The following CCDC112 variants were observed in gnomAD, a reference collection of about 807,000 sequenced individuals.
The protein encoded by CCDC112 is coiled-coil domain containing 112.
A neutral mutation model predicts 66.3 loss-of-function variants in CCDC112; 40 were observed. The observed-to-expected ratio is 0.60, with a 90% CI of 0.47 to 0.79. The LOEUF (loss-of-function observed/expected upper bound fraction) is 0.79. CCDC112 is among the 30% of genes least tolerant of loss of function. The probability of loss-of-function intolerance (pLI) is 0.00; values close to 1 mark genes in which losing one functional copy is unlikely to be tolerated. For missense variants in CCDC112, 659 were observed against 603.8 expected (o/e 1.09, Z -0.96); for synonymous variants, 214 against 197.2 (o/e 1.09, Z -0.71).
In CCDC112 at chr5:115,267,699, AG is replaced by A; in HGVS notation, c.*176del. On this transcript the variant is annotated 3_prime_UTR_variant, in exon 10 of 10. Transcript: ENST00000379611. ...CACATATATTAAATACCTTCTTGGTAGAAGCAGGAATACTAATGACAAAGCC... is the reference window on the plus strand; with the variant it reads ...CACATATATTAAATACCTTCTTGGTAAAGCAGGAATACTAATGACAAAGCC... 1.6e-6 allele frequency: 1 copy of A among 625,558 alleles called. No individual in the cohort carries two copies. The highest frequency in any genetic ancestry group is 2.9e-6 in the Non-Finnish European group (1 of 349,544). The allele number at this position is 625,558 out of a possible 1,614,324, so 38.8% of individuals were successfully genotyped here.
At chr5:115,277,114 G>C in intron 3 of CCDC112, 60 bp from the exon 4 acceptor site, 2 of 956,688 alleles carry the variant, frequency 2.1e-6, no homozygotes, top group Non-Finnish European at 1.7e-6. Context: ...TACAATTCAG[G>C]AATCTACATG....
chr5:115,289,747 G>A (rs776070309), intron 1 of CCDC112, among the ~76,000 whole-genome samples: 3 of 151,974 alleles, frequency 2.0e-5, no homozygotes, highest in East Asian at 1.9e-4. Flanking sequence ...GCTTAATCCC[G>A]GCTCACTGCA....
chr5:115,269,051 A>G (rs1748893595), intron 8 of CCDC112, 51 bp from the exon 9 acceptor site: 7 of 1,061,550 alleles, frequency 6.6e-6, no homozygotes, highest in Non-Finnish European at 9.7e-6. Flanking sequence ...CTCAGTTTGT[A>G]CTAGTAAATA....
rs1748887624 is a variant in CCDC112, at chr5:115,268,944, C to G, written c.1485G>C (p.Trp495Cys). 6.2e-7 allele frequency: 1 copy of G among 1,606,896 alleles called. No homozygotes were observed. The highest frequency in any genetic ancestry group is 1.3e-5 in the African/African-American group (1 of 74,356). Residue 495 changes from tryptophan (W) to cysteine (C), a missense_variant, in exon 9 of 10, where the codon TGG becomes TGC. By Grantham distance (215) the Trp-to-Cys change is radical (BLOSUM62 -2). Coordinates refer to ENST00000379611, the MANE Select transcript of CCDC112 (RefSeq NM_001040440.3). The part of the protein sequence containing the change: ...PSRLYKPTKG[W>C]EERTKKIGPT... ...GTCCTATCTTTTTGGTTCGTTCTTCCCAACCTTTGGTGGGTTTGTAAAGCC... is the reference window on the plus strand; with the variant it reads ...GTCCTATCTTTTTGGTTCGTTCTTCGCAACCTTTGGTGGGTTTGTAAAGCC...
intron 6 of CCDC112, among the ~76,000 whole-genome samples, chr5:115,272,457 T>G (rs1393926983): frequency 6.6e-6 from 1 of 152,224 alleles, no homozygotes; most frequent in African/African-American, 2.4e-5. Flanking sequence ...GCCACTAAAC[T>G]TCTCTGTCCT....
chr5:115,271,291 T>C lies in CCDC112; in HGVS notation c.1254A>G (p.Glu418=). Residue 418 remains glutamate, a synonymous_variant, in exon 7 of 10, where the codon GAA becomes GAG. Transcript: ENST00000379611. ...KKEQEEFLRL[E]KEIREKAEKA... is the part of the protein sequence containing the mutation. ...TTTCTGCCTTTTCCCTTATCTCCTT[T>C]TCAAGCCTCAAAAATTCTTCCTGTT... is the stretch of plus-strand genomic sequence containing the variant. 1 of 1,610,278 alleles carries C rather than the reference T, an allele frequency of 6.2e-7. No homozygotes were observed. The highest frequency in any genetic ancestry group is 8.5e-7 in the Non-Finnish European group (1 of 1,179,252).
chr5:115,269,543 T>C, intron 8 of CCDC112, 160 bp downstream of exon 8: 1 of 547,122 alleles, frequency 1.8e-6, no homozygotes, highest in Non-Finnish European at 3.1e-6. Context: ...GTTGCTTAAA[T>C]TGTACCAAGT....
chr5:115,281,953 A>G (rs1482627508), intron 2 of CCDC112, among the ~76,000 whole-genome samples: 3 of 152,200 alleles, frequency 2.0e-5, no homozygotes, highest in Admixed American at 2.0e-4. Flanking sequence ...TATTTATCAC[A>G]TTTGTAAATT....
chr5:115,283,853 T>C (rs1223384068), intron 2 of CCDC112, among the ~76,000 whole-genome samples: 1 of 152,110 alleles, frequency 6.6e-6, no homozygotes, highest in Non-Finnish European at 1.5e-5. Flanking sequence ...AACGTTTTGA[T>C]AAAGCTCTCA....
intron 1 of CCDC112, among the ~76,000 whole-genome samples, chr5:115,295,756 CA>C (rs1391853706): frequency 6.6e-6 from 1 of 152,062 alleles, no homozygotes; most frequent in Admixed American, 6.5e-5. Context: ...GAAACATAAA[CA>C]ATAGAAATAA....
At chr5:115,271,648 A>T in intron 6 of CCDC112, 22 bp from the exon 7 acceptor site, 1 of 1,455,580 alleles carries the variant, frequency 6.9e-7, no homozygotes, top group South Asian at 1.6e-5. Context: ...TTTTAAAAAA[A>T]GAAAGCAAGA....
At chr5:115,268,487 G>A (rs1748852409) in intron 9 of CCDC112, among the ~76,000 whole-genome samples, 1 of 151,734 alleles carries the variant, frequency 6.6e-6, no homozygotes, top group South Asian at 2.1e-4. Flanking sequence ...TGGCGAGGCT[G>A]GTCTCAAACT....
rs1328400024 is a variant in CCDC112 at position 115,275,272 on chromosome 5, G to C, written c.862C>G (p.Gln288Glu). ...TTTTGATACCATTTTTCATGCTGTT[G>C]AACTTCATCTTGTGTTTTTCCAGGA... The part of the protein sequence containing the change: ...HLPGKTQDEV[Q>E]QHEKWYQKFL... The change falls in exon 6 of 10, where the codon CAA becomes GAA. Residue 288 changes from glutamine to glutamate, a missense_variant. Physicochemically the swap from Gln to Glu is conservative, Grantham distance 29. Transcript: ENST00000379611. 5.6e-6 allele frequency: 9 copies of C among 1,613,128 alleles called. No individual in the cohort carries two copies. Among genetic ancestry groups the C allele is most frequent in the African/African-American group, 1.3e-5 (1 of 74,744 alleles).
At chr5:115,287,696 CTTTTT>C (rs778702533) in intron 1 of CCDC112, among the ~76,000 whole-genome samples, 3 of 84,740 alleles carry the variant, frequency 3.5e-5, no homozygotes, top group Admixed American at 1.5e-4. Context: ...ATCCCCTTTC[CTTTTT>C]TTTTTTTTTT....
chr5:115,277,926 C>CAAATAAGCA (rs1749278158), intron 3 of CCDC112, among the ~76,000 whole-genome samples: 2 of 152,086 alleles, frequency 1.3e-5, no homozygotes, highest in South Asian at 4.2e-4. Context: ...GCACAAAGCA[C>CAAATAAGCA]CAAAGGCTCT....
chr5:115,295,833 G>C, intron 1 of CCDC112: 4 of 924,332 alleles, frequency 4.3e-6, no homozygotes, highest in Non-Finnish European at 5.2e-6. Context: ...CAGGGACTGG[G>C]TGTGCCGCGT....
At chr5:115,273,771 G>A (rs1189707038) in intron 6 of CCDC112, among the ~76,000 whole-genome samples, 1 of 152,118 alleles carries the variant, frequency 6.6e-6, no homozygotes, top group East Asian at 1.9e-4. Flanking sequence ...GTTGGAGCCC[G>A]CTAAGTTCTA....
At position 115,275,211 on chromosome 5, in the gene CCDC112, A is replaced by G. The variant is rs1273504731; in HGVS notation, c.918+5T>C. Reference sequence around the variant, plus strand: ...AGAATGAATAATAGCTATTATAATTATTACCTCTTTTTTTCTTTCTTCTAG... The same window carrying G: ...AGAATGAATAATAGCTATTATAATTGTTACCTCTTTTTTTCTTTCTTCTAG... On this transcript the variant is annotated splice_donor_5th_base_variant and intron_variant, in intron 6 of 9. Coordinates refer to ENST00000379611, the MANE Select transcript of CCDC112 (RefSeq NM_001040440.3). The G allele has an allele frequency of 6.3e-7, 1 of 1,591,250 alleles. No individual in the cohort carries two copies. Among genetic ancestry groups the G allele is most frequent in the Non-Finnish European group, 8.6e-7 (1 of 1,166,944 alleles).
At chr5:115,294,295 G>C (rs1009556619) in intron 1 of CCDC112, among the ~76,000 whole-genome samples, 1 of 152,214 alleles carries the variant, frequency 6.6e-6, no homozygotes, top group Non-Finnish European at 1.5e-5. Context: ...TCTATCTGGA[G>C]ATGGGGTCTT....
Sources: allele counts gnomAD v4.1 joint callset (sites outside exome capture counted in the v4.1 genomes callset), GRCh38; gene constraint gnomAD v4.1.1; transcripts MANE v1.5; gene names NCBI Gene and HGNC (gene_info 2026-07-23, HGNC 2026-07-21).